CSMD3: variants seen among roughly 807,000 people sequenced by gnomAD.
CSMD3 encodes the protein CUB and Sushi multiple domains 3, also known as CUB and sushi domain-containing protein 3.
CSMD3 carries 177 observed loss-of-function variants against 435.2 expected under a neutral mutation model. The ratio of observed to expected loss-of-function variants is 0.41; its 90% CI spans 0.36 to 0.46. The LOEUF (loss-of-function observed/expected upper bound fraction) is 0.46, where lower values mean the gene tolerates loss of function less well. Among genes scored for constraint, CSMD3 ranks in the 20% least tolerant of loss-of-function variants. The pLI is 0.34. For missense variants in CSMD3, 4,265 were observed against 4,504.6 expected (o/e 0.95, Z 1.52); for synonymous variants, 1,656 against 1,520.5 (o/e 1.09, Z -2.07).
chr8:113,406,712 C>T (rs2094534397), intron 1 of CSMD3, among the ~76,000 whole-genome samples: 1 of 151,900 alleles, frequency 6.6e-6, no homozygotes. Context: ...GAGAGGAGAA[C>T]TCTACAGAGT....
At chr8:112,961,193 A>T (rs764708927) in intron 7 of CSMD3, among the ~76,000 whole-genome samples, 1 of 151,784 alleles carries the variant, frequency 6.6e-6, no homozygotes, top group Non-Finnish European at 1.5e-5. Context: ...AGCCATTCTG[A>T]TTTGTGATGC....
At chr8:112,776,943 T>C (rs1563950000) in intron 13 of CSMD3, among the ~76,000 whole-genome samples, 1 of 151,788 alleles carries the variant, frequency 6.6e-6, no homozygotes. Context: ...ACCTCTGCTG[T>C]AAAAGGATCC....
At chr8:113,382,447 G>A (rs1051030451) in intron 1 of CSMD3, among the ~76,000 whole-genome samples, 3 of 151,760 alleles carry the variant, frequency 2.0e-5, no homozygotes, top group Non-Finnish European at 4.4e-5. Flanking sequence ...TATCATTTTG[G>A]TGGGTGATTT....
intron 7 of CSMD3, among the ~76,000 whole-genome samples, chr8:112,956,906 T>C (rs1403924488): frequency 1.3e-5 from 2 of 152,130 alleles, no homozygotes; most frequent in Non-Finnish European, 2.9e-5. Flanking sequence ...GTAATACAGA[T>C]GCAGAAGATG....
intron 10 of CSMD3, among the ~76,000 whole-genome samples, chr8:112,904,902 T>C (rs1341250920): frequency 6.6e-6 from 1 of 151,398 alleles, no homozygotes; most frequent in Non-Finnish European, 1.5e-5. Flanking sequence ...CTGATGTTGA[T>C]GTAATTTGTT....
At chr8:113,048,110 C>T (rs1189119589) in intron 5 of CSMD3, among the ~76,000 whole-genome samples, 2 of 132,250 alleles carry the variant, frequency 1.5e-5, no homozygotes, top group Non-Finnish European at 3.1e-5. Flanking sequence ...TTTTTGAGAC[C>T]GAGACCGAGT....
At chr8:113,106,498 T>A (rs1358222813) in intron 4 of CSMD3, among the ~76,000 whole-genome samples, 1 of 152,156 alleles carries the variant, frequency 6.6e-6, no homozygotes, top group Non-Finnish European at 1.5e-5. Flanking sequence ...GTTGAATATG[T>A]GTTATTGAAG....
intron 22 of CSMD3, among the ~76,000 whole-genome samples, chr8:112,630,926 C>T (rs1033525218): frequency 7.0e-6 from 1 of 143,818 alleles, no homozygotes; most frequent in South Asian, 2.3e-4. Context: ...ATGTTACCAA[C>T]AAACTACATC....
At chr8:112,661,623 T>C (rs927781032) in intron 17 of CSMD3, among the ~76,000 whole-genome samples, 2 of 152,166 alleles carry the variant, frequency 1.3e-5, no homozygotes, top group Non-Finnish European at 2.9e-5. Context: ...AGCAGATGCT[T>C]TTCAACATAA....
rs566294692 is a variant in CSMD3 at position 113,196,183 on chromosome 8, T to C, written c.515-22267A>G. 4.0e-5 allele frequency among the ~76,000 whole-genome samples: 6 copies of C among 151,330 alleles called. 1 individual carries two copies. In the South Asian group the frequency reaches 1.2e-3, roughly 31 times the overall value. Reference sequence around the variant, plus strand: ...TCTGCAAATGTTTTTTGTACTCCTCTTATTTTTTTCTTTTTATAGAGTCAT... The same window carrying C: ...TCTGCAAATGTTTTTTGTACTCCTCCTATTTTTTTCTTTTTATAGAGTCAT... On this transcript the variant is annotated intron_variant, in intron 3 of 70. Coordinates refer to ENST00000297405, the MANE Select transcript of CSMD3 (RefSeq NM_198123.2).
chr8:112,667,849 T>C (rs773032427), intron 16 of CSMD3, among the ~76,000 whole-genome samples: 1 of 152,202 alleles, frequency 6.6e-6, no homozygotes, highest in Non-Finnish European at 1.5e-5. Flanking sequence ...AATCTTCCCA[T>C]TTAAACTCTT....
intron 5 of CSMD3, among the ~76,000 whole-genome samples, chr8:113,095,243 A>C (rs1440964219): frequency 6.6e-6 from 1 of 152,168 alleles, no homozygotes; most frequent in African/African-American, 2.4e-5. Context: ...CATGTTGCTA[A>C]ATCCATTTAT....
At position 112,467,585 on chromosome 8, in the gene CSMD3, A is replaced by G. The variant is rs138171313; in HGVS notation, c.5395+5006T>C. Among the ~76,000 whole-genome samples the G allele has an allele frequency of 8.0e-3, 1,212 of 152,248 alleles. 23 individuals are homozygous for G. Among genetic ancestry groups the G allele is most frequent in the African/African-American group, 0.027 (1,123 of 41,542 alleles). On this transcript the variant is annotated intron_variant, in intron 32 of 70. Coordinates refer to ENST00000297405, the MANE Select transcript of CSMD3 (RefSeq NM_198123.2). The stretch of plus-strand genomic sequence containing the variant: ...ATAGTGTTCCCCAAAATTTATGTTC[A>G]CCAAGAAGCCCGGAATGTCACCATA...
At chr8:113,092,287 C>T (rs759357433) in intron 5 of CSMD3, among the ~76,000 whole-genome samples, 27 of 152,094 alleles carry the variant, frequency 1.8e-4, no homozygotes, top group Non-Finnish European at 3.7e-4. Context: ...CTATCTGTGC[C>T]AGTATAGACA....
intron 3 of CSMD3, among the ~76,000 whole-genome samples, chr8:113,194,249 C>T (rs958551886): frequency 6.6e-6 from 1 of 151,098 alleles, no homozygotes; most frequent in African/African-American, 2.4e-5. Flanking sequence ...GTGAAATATA[C>T]AAGATGCATT....
intron 13 of CSMD3, among the ~76,000 whole-genome samples, chr8:112,729,263 G>A (rs1167657072): frequency 1.3e-5 from 2 of 151,960 alleles, no homozygotes; most frequent in Admixed American, 6.6e-5. Context: ...GGTGAGGGAG[G>A]AGGGGCCAAT....
intron 45 of CSMD3, among the ~76,000 whole-genome samples, chr8:112,326,791 G>C (rs1439685933): frequency 1.3e-5 from 2 of 152,206 alleles, no homozygotes; most frequent in East Asian, 3.9e-4. Flanking sequence ...GAGGAGAGCA[G>C]ACCACTTGAG....
intron 9 of CSMD3, among the ~76,000 whole-genome samples, chr8:112,926,714 A>T (rs1159746755): frequency 6.6e-6 from 1 of 152,164 alleles, no homozygotes; most frequent in Non-Finnish European, 1.5e-5. Flanking sequence ...TTTACAATCA[A>T]ATAGACAGGA....
intron 22 of CSMD3, among the ~76,000 whole-genome samples, chr8:112,614,982 T>G (rs1373213733): frequency 6.9e-6 from 1 of 144,008 alleles, no homozygotes; most frequent in Admixed American, 7.1e-5. Context: ...CATTAGATAT[T>G]GAGACAACTG....
Sources: gnomAD v4.1 joint callset for allele counts (sites outside exome capture counted in the v4.1 genomes callset) on GRCh38, gnomAD v4.1.1 for gene constraint, MANE v1.5 for transcripts, NCBI Gene and HGNC (gene_info 2026-07-23, HGNC 2026-07-21) for gene names.